DLGAP1: variants seen among roughly 807,000 people sequenced by gnomAD.
The protein encoded by DLGAP1 is DLG associated protein 1.
In DLGAP1, 11 loss-of-function variants were observed where a neutral mutation model predicts 90.8. The observed-to-expected ratio is 0.12, with a 90% CI of 0.08 to 0.20. DLGAP1 has a LOEUF of 0.20. DLGAP1 is among the 10% of genes least tolerant of loss of function. DLGAP1 has a pLI of 1.00. For synonymous variants in DLGAP1, 558 were observed against 540.7 expected (o/e 1.03, Z -0.44); for missense variants, 1,050 against 1,333.8 (o/e 0.79, Z 3.31).
chr18:3,703,719 A>G (rs754588913), intron 7 of DLGAP1, among the ~76,000 whole-genome samples: 3 of 152,126 alleles, frequency 2.0e-5, no homozygotes, highest in Non-Finnish European at 4.4e-5. Context: ...TTTCCTCCCG[A>G]AGATGCAACC....
intron 9 of DLGAP1, among the ~76,000 whole-genome samples, chr18:3,552,975 T>C (rs869208454): frequency 3.9e-5 from 6 of 151,922 alleles, no homozygotes; most frequent in African/African-American, 1.2e-4. Context: ...GTTTTTTTTT[T>C]TCTCTCTTGT....
intron 2 of DLGAP1, among the ~76,000 whole-genome samples, chr18:4,027,773 A>G (rs900478144): frequency 6.6e-5 from 10 of 152,164 alleles, no homozygotes; most frequent in Non-Finnish European, 1.3e-4. Context: ...AGATAGCAAA[A>G]TGTAACATAA....
intron 3 of DLGAP1, among the ~76,000 whole-genome samples, chr18:3,933,047 G>T (rs1188040470): frequency 6.6e-6 from 1 of 152,150 alleles, no homozygotes. Flanking sequence ...GATTCCATGG[G>T]GAAACTTTTG....
At chr18:4,209,330 A>G (rs563959373) in intron 1 of DLGAP1, among the ~76,000 whole-genome samples, 2 of 152,194 alleles carry the variant, frequency 1.3e-5, no homozygotes, top group Non-Finnish European at 2.9e-5. Context: ...CCAGAAGACA[A>G]AAGGGCCATA....
rs1599172020 is a variant in DLGAP1 at position 3,548,868 on chromosome 18, C to T, written c.2058-14253G>A. On this transcript the variant is annotated intron_variant, in intron 9 of 12. Coordinates refer to ENST00000315677, the MANE Select transcript of DLGAP1 (RefSeq NM_004746.4). ...CCTGGCAAACATGGCGAAACCCCCT[C>T]TCTACTAAAAATACAAAAATTAGCT... 9.2e-5 allele frequency among the ~76,000 whole-genome samples: 14 copies of T among 152,150 alleles called. No homozygotes were observed. The South Asian group carries it at 2.9e-3, about 32-fold the overall frequency.
intron 2 of DLGAP1, among the ~76,000 whole-genome samples, chr18:4,119,200 T>C (rs961129697): frequency 6.6e-6 from 1 of 152,154 alleles, no homozygotes; most frequent in African/African-American, 2.4e-5. Context: ...CAAGTGATCC[T>C]CCCGCCTCAG....
At chr18:3,835,958 T>C (rs2068355883) in intron 4 of DLGAP1, among the ~76,000 whole-genome samples, 2 of 152,340 alleles carry the variant, frequency 1.3e-5, no homozygotes, top group East Asian at 1.9e-4. Flanking sequence ...ATAAAGTTGA[T>C]GTTGACTATA....
intron 4 of DLGAP1, among the ~76,000 whole-genome samples, chr18:3,838,624 A>G (rs2068537600): frequency 6.6e-6 from 1 of 152,228 alleles, no homozygotes; most frequent in African/African-American, 2.4e-5. Context: ...ATCACTTGAT[A>G]ACTCATTAGT....
chr18:4,150,406 T>C (rs571615638), intron 2 of DLGAP1, among the ~76,000 whole-genome samples: 1 of 152,202 alleles, frequency 6.6e-6, no homozygotes. Flanking sequence ...TTTCTTTTTT[T>C]TTGAGATGGA....
At chr18:4,225,626 C>A (rs2078170554) in intron 1 of DLGAP1, among the ~76,000 whole-genome samples, 1 of 151,252 alleles carries the variant, frequency 6.6e-6, no homozygotes, top group Non-Finnish European at 1.5e-5. Flanking sequence ...TAAAAGAAAT[C>A]AAGCAGAAAA....
intron 1 of DLGAP1, among the ~76,000 whole-genome samples, chr18:4,195,082 C>T (rs568985197): frequency 1.3e-5 from 2 of 152,176 alleles, no homozygotes; most frequent in Non-Finnish European, 2.9e-5. Context: ...AGAAAAAAAA[C>T]CCAAATACCA....
intron 7 of DLGAP1, among the ~76,000 whole-genome samples, chr18:3,649,163 C>A (rs2059213611): frequency 6.6e-6 from 1 of 152,200 alleles, no homozygotes; most frequent in South Asian, 2.1e-4. Context: ...TGTAATAAAA[C>A]ACAATTAATA....
intron 5 of DLGAP1, among the ~76,000 whole-genome samples, chr18:3,763,107 G>A (rs2064045569): frequency 6.6e-6 from 1 of 152,126 alleles, no homozygotes; most frequent in Non-Finnish European, 1.5e-5. Context: ...GATTAACATT[G>A]GAGTCAGTGA....
chr18:3,526,203 T>A lies in DLGAP1; in HGVS notation c.2479+7991A>T, dbSNP rs865929476. Among the ~76,000 whole-genome samples the A allele has an allele frequency of 2.0e-5, 3 of 152,152 alleles. No individual in the cohort carries two copies. The highest frequency in any genetic ancestry group is 7.2e-5 in the African/African-American group (3 of 41,444). On this transcript the variant is annotated intron_variant, in intron 10 of 12. Coordinates refer to ENST00000315677, the MANE Select transcript of DLGAP1 (RefSeq NM_004746.4). This position sits in a 1 kb window ranked among gnomAD's most constrained non-coding sequence, Gnocchi z 4.7. ...AAAACAGAAAGGAGCTAGGCTAGAATGCAGCCATTGCTCCCCACTTAGAAA... is the reference window on the plus strand; with the variant it reads ...AAAACAGAAAGGAGCTAGGCTAGAAAGCAGCCATTGCTCCCCACTTAGAAA...
At chr18:3,549,337 C>CTTT (rs398031867) in intron 9 of DLGAP1, among the ~76,000 whole-genome samples, 4 of 144,606 alleles carry the variant, frequency 2.8e-5, no homozygotes, top group Admixed American at 6.9e-5. Context: ...CTCTCTCTCT[C>CTTT]TTTTTTTTTT....
chr18:4,398,849 T>C (rs2082492840), intron 1 of DLGAP1, among the ~76,000 whole-genome samples: 1 of 152,202 alleles, frequency 6.6e-6, no homozygotes, highest in South Asian at 2.1e-4. Context: ...TTGCTTTTTT[T>C]TGAGACAGTG....
At chr18:3,763,162 A>G (rs564845320) in intron 5 of DLGAP1, among the ~76,000 whole-genome samples, 2 of 152,304 alleles carry the variant, frequency 1.3e-5, no homozygotes, top group Non-Finnish European at 2.9e-5. Context: ...GACACCATCT[A>G]ATCAGCTGCC....
At chr18:4,160,942 A>G (rs115248660) in intron 1 of DLGAP1, among the ~76,000 whole-genome samples, 2,711 of 152,210 alleles carry the variant, frequency 0.018, 82 homozygotes, top group African/African-American at 0.062. Flanking sequence ...GAGATCTCAC[A>G]GAAAATTCTG....
intron 7 of DLGAP1, among the ~76,000 whole-genome samples, chr18:3,590,351 A>C (rs1311020995): frequency 6.6e-6 from 1 of 152,178 alleles, no homozygotes; most frequent in East Asian, 1.9e-4. Context: ...TGTTAGCTTG[A>C]AATTGTTGAC....
Sources: gnomAD v4.1 joint callset for allele counts (sites outside exome capture counted in the v4.1 genomes callset) on GRCh38, gnomAD v4.1.1 for gene constraint, Gnocchi (gnomAD v3.1) non-coding constraint, MANE v1.5 for transcripts, NCBI Gene and HGNC (gene_info 2026-07-23, HGNC 2026-07-21) for gene names.